Variants in SAMD5 observed in about 807,000 individuals in gnomAD.
The protein encoded by SAMD5 is sterile alpha motif domain-containing protein 5.
SAMD5 carries 13 observed loss-of-function variants against 11.3 expected under a neutral mutation model. The observed-to-expected ratio is 1.15, with a 90% confidence interval of 0.75 to 1.83. The LOEUF (loss-of-function observed/expected upper bound fraction) is 1.83. Ranked by LOEUF, SAMD5 falls within the 40% of genes most tolerant of loss-of-function variation. The pLI is 0.00. For missense variants in SAMD5, 255 were observed against 239.1 expected (o/e 1.07, Z -0.44); for synonymous variants, 129 against 111.3 (o/e 1.16, Z -1.00).
intron 1 of SAMD5, among the ~76,000 whole-genome samples, chr6:147,642,326 A>T (rs1455093430): frequency 3.9e-5 from 6 of 152,198 alleles, no homozygotes; most frequent in Non-Finnish European, 8.8e-5. Context: ...GCTGTGAAAA[A>T]GATCTCGAAT....
At chr6:147,672,422 T>A (rs1445506945) in intron 1 of SAMD5, among the ~76,000 whole-genome samples, 3 of 152,170 alleles carry the variant, frequency 2.0e-5, no homozygotes, top group African/African-American at 7.2e-5. Context: ...TGCTTCTCCA[T>A]CACTTTGAAC....
the SAMD5 span, among the ~76,000 whole-genome samples, chr6:147,875,439 G>A: frequency 3.3e-5 from 5 of 152,098 alleles, no homozygotes; most frequent in East Asian, 7.7e-4. Flanking sequence ...TTGAAGTCCA[G>A]CCTGCCCAGA....
At chr6:147,600,748 C>T (rs766054964) in intron 1 of SAMD5, among the ~76,000 whole-genome samples, 13 of 152,070 alleles carry the variant, frequency 8.5e-5, no homozygotes, top group Non-Finnish European at 1.5e-4. Flanking sequence ...TATGTTCTGT[C>T]GGATGGTAAT....
At chr6:147,848,305 T>C in the SAMD5 span, among the ~76,000 whole-genome samples, 1 of 152,192 alleles carries the variant, frequency 6.6e-6, no homozygotes, top group Non-Finnish European at 1.5e-5. Flanking sequence ...GCTTAATTTC[T>C]CAGGATTCTG....
chr6:147,754,485 A>G, the SAMD5 span, among the ~76,000 whole-genome samples: 5 of 151,400 alleles, frequency 3.3e-5, no homozygotes, highest in Non-Finnish European at 2.9e-5. Flanking sequence ...GGGTAGTTTG[A>G]AAATATTTTC....
chr6:147,691,969 TATGTGACACAC>T (rs1791109781), intron 1 of SAMD5, among the ~76,000 whole-genome samples: 1 of 95,620 alleles, frequency 1.0e-5, no homozygotes, highest in African/African-American at 3.7e-5. Flanking sequence ...AAGTAGGATG[TATGTGACACAC>T]ACACACACAC....
the SAMD5 span, among the ~76,000 whole-genome samples, chr6:147,787,881 G>T: frequency 2.0e-5 from 3 of 152,118 alleles, no homozygotes; most frequent in Non-Finnish European, 2.9e-5. Flanking sequence ...CAGTAGCTCC[G>T]TAGCGCCAAG....
At chr6:147,570,364 T>G (rs905671286), downstream of SAMD5, among the ~76,000 whole-genome samples, 1 of 152,150 alleles carries the variant, frequency 6.6e-6, no homozygotes, top group Non-Finnish European at 1.5e-5. Flanking sequence ...GTGTGGAGTT[T>G]CTGTACATGT....
the SAMD5 span, among the ~76,000 whole-genome samples, chr6:147,820,758 C>T: frequency 6.6e-6 from 1 of 152,190 alleles, no homozygotes; most frequent in Non-Finnish European, 1.5e-5. Flanking sequence ...GGAGTTCTAT[C>T]ACTTTGCCGG....
chr6:147,896,807 G>A, the SAMD5 span, among the ~76,000 whole-genome samples: 1 of 149,096 alleles, frequency 6.7e-6, no homozygotes, highest in African/African-American at 2.5e-5. Flanking sequence ...TGGGGATTTG[G>A]CCATAATCAT....
chr6:147,786,441 C>T, the SAMD5 span, among the ~76,000 whole-genome samples: 11 of 152,052 alleles, frequency 7.2e-5, no homozygotes, highest in African/African-American at 1.2e-4. Flanking sequence ...TTTTGTGAGG[C>T]GAATATAAGC....
the SAMD5 span, among the ~76,000 whole-genome samples, chr6:147,908,957 C>A: frequency 1.3e-5 from 2 of 152,150 alleles, no homozygotes; most frequent in African/African-American, 4.8e-5. Flanking sequence ...GACTATAATC[C>A]CAGCACTTTG....
intron 1 of SAMD5, among the ~76,000 whole-genome samples, chr6:147,664,526 A>G (rs976545494): frequency 3.3e-5 from 5 of 152,172 alleles, no homozygotes; most frequent in Admixed American, 3.3e-4. Context: ...GTTACACACC[A>G]AAGTATGCCA....
the SAMD5 span, among the ~76,000 whole-genome samples, chr6:147,843,906 G>A: frequency 6.6e-6 from 1 of 152,042 alleles, no homozygotes; most frequent in Non-Finnish European, 1.5e-5. Flanking sequence ...GAAACATAGG[G>A]GAAAACCGGC....
chr6:147,781,935 T>C, the SAMD5 span, among the ~76,000 whole-genome samples: 2 of 151,938 alleles, frequency 1.3e-5, no homozygotes, highest in African/African-American at 4.8e-5. Context: ...AAGGAATGTT[T>C]TGTCATTTTT....
At chr6:147,537,872 T>C (rs112296892) in intron 1 of SAMD5, among the ~76,000 whole-genome samples, 2,516 of 152,296 alleles carry the variant, frequency 0.017, 68 homozygotes, top group African/African-American at 0.057. Context: ...TTCTCCCTTT[T>C]TTCCTTGCCA....
chr6:147,856,818 G>C, the SAMD5 span, among the ~76,000 whole-genome samples: 1 of 103,804 alleles, frequency 9.6e-6, no homozygotes, highest in African/African-American at 5.5e-5. Context: ...TTTTCTGGGG[G>C]CGCGGGGGGG....
At chr6:147,894,687 C>T in the SAMD5 span, among the ~76,000 whole-genome samples, 1 of 152,168 alleles carries the variant, frequency 6.6e-6, no homozygotes, top group African/African-American at 2.4e-5. Flanking sequence ...TTCATATGCA[C>T]TCATGAAGAC....
intron 1 of SAMD5, among the ~76,000 whole-genome samples, chr6:147,675,027 C>T (rs145371682): frequency 5.1e-4 from 78 of 152,292 alleles, no homozygotes; most frequent in African/African-American, 1.9e-3. Flanking sequence ...ATTTGGCTTA[C>T]ATTAGTCTCA....
Sources: gnomAD v4.1 joint callset for allele counts (sites outside exome capture counted in the v4.1 genomes callset) on GRCh38, gnomAD v4.1.1 for gene constraint, MANE v1.5 for transcripts, NCBI Gene and HGNC (gene_info 2026-07-23, HGNC 2026-07-21) for gene names.